Variants in MAML2 observed in about 807,000 individuals in gnomAD.
MAML2 encodes the protein mastermind like transcriptional coactivator 2, also known as mastermind-like protein 2.
A neutral mutation model predicts 96.1 loss-of-function variants in MAML2; 22 were observed. The observed-to-expected ratio is 0.23, with a 90% CI of 0.16 to 0.33. The LOEUF is 0.33. MAML2 is among the 10% of genes least tolerant of loss of function. MAML2 has a pLI of 1.00. For synonymous variants in MAML2, 561 were observed against 521.3 expected, an observed-to-expected ratio of 1.08 and a Z score of -1.04; for missense variants, 1,367 against 1,392.4, an observed-to-expected ratio of 0.98 and a Z score of 0.29.
At chr11:95,991,254 C>T (rs1857905345) in intron 3 of MAML2, among the ~76,000 whole-genome samples, 1 of 152,114 alleles carries the variant, frequency 6.6e-6, no homozygotes, top group Admixed American at 6.6e-5. Context: ...TTCAAATGCC[C>T]ATGTTGGTTG....
intron 1 of MAML2, among the ~76,000 whole-genome samples, chr11:96,154,940 C>G (rs572894498): frequency 2.6e-5 from 4 of 152,122 alleles, no homozygotes; most frequent in Non-Finnish European, 5.9e-5. Flanking sequence ...TGTAACACTC[C>G]GGCCTCTTGG....
chr11:96,318,202 G>A (rs1271811600), intron 1 of MAML2, among the ~76,000 whole-genome samples: 1 of 152,068 alleles, frequency 6.6e-6, no homozygotes, highest in Non-Finnish European at 1.5e-5. Flanking sequence ...AATGCTTTAG[G>A]TCATTTGTTG....
intron 2 of MAML2, among the ~76,000 whole-genome samples, chr11:96,057,272 C>T (rs1020050561): frequency 6.6e-6 from 1 of 152,292 alleles, no homozygotes; most frequent in South Asian, 2.1e-4. Context: ...GAAGCCATTT[C>T]GTTCCTGATT....
intron 1 of MAML2, among the ~76,000 whole-genome samples, chr11:96,109,879 G>T (rs1179348912): frequency 1.3e-5 from 2 of 152,166 alleles, no homozygotes; most frequent in East Asian, 3.9e-4. Context: ...CATAAGCATT[G>T]GTTGAAGGAA....
At chr11:96,203,149 G>A (rs540729167) in intron 1 of MAML2, among the ~76,000 whole-genome samples, 2 of 152,188 alleles carry the variant, frequency 1.3e-5, no homozygotes, top group South Asian at 2.1e-4. Flanking sequence ...AATACCTATT[G>A]AATACCTTAT....
chr11:96,119,812 T>TTTCA (rs1860304327), intron 1 of MAML2, among the ~76,000 whole-genome samples: 1 of 152,226 alleles, frequency 6.6e-6, no homozygotes, highest in South Asian at 2.1e-4. Flanking sequence ...TTTGTAATAA[T>TTTCA]TTTATTTATT....
intron 1 of MAML2, among the ~76,000 whole-genome samples, chr11:96,197,489 C>T (rs1861748923): frequency 1.3e-5 from 2 of 152,138 alleles, no homozygotes; most frequent in South Asian, 4.1e-4. Context: ...CCTGCCACTC[C>T]AGAAAAAATA....
At chr11:96,165,595 C>T (rs866629144) in intron 1 of MAML2, among the ~76,000 whole-genome samples, 5 of 151,928 alleles carry the variant, frequency 3.3e-5, no homozygotes, top group African/African-American at 1.2e-4. Flanking sequence ...CATAAAAATC[C>T]AATTCGTTGT....
chr11:95,978,884 C>T lies in MAML2; in HGVS notation c.*64G>A, dbSNP rs1857688174. ...CTGAACATCAACAGTTCAGCCTCTA[C>T]AGAGTTTCTGTAATATACTGCCTTT... On this transcript the variant is annotated 3_prime_UTR_variant, in exon 5 of 5. Transcript: ENST00000524717. The T allele has an allele frequency of 7.0e-7, 1 of 1,422,246 alleles. No individual in the cohort carries two copies. The highest frequency in any genetic ancestry group is 9.4e-7 in the Non-Finnish European group (1 of 1,062,198). 88.1% of individuals were successfully genotyped at this position (1,422,246 alleles called of 1,614,324 possible).
chr11:96,255,722 C>A (rs1171513857), intron 1 of MAML2, among the ~76,000 whole-genome samples: 2 of 152,132 alleles, frequency 1.3e-5, no homozygotes, highest in Non-Finnish European at 2.9e-5. Context: ...GAGGGAATGA[C>A]AAAGCCACAG....
chr11:96,061,621 G>A (rs1859161072), intron 2 of MAML2, among the ~76,000 whole-genome samples: 1 of 152,038 alleles, frequency 6.6e-6, no homozygotes, highest in African/African-American at 2.4e-5. Flanking sequence ...CATGAATAAA[G>A]AGCAGAAGAT....
At chr11:96,016,089 T>C (rs1858348066) in intron 2 of MAML2, among the ~76,000 whole-genome samples, 1 of 152,224 alleles carries the variant, frequency 6.6e-6, no homozygotes, top group African/African-American at 2.4e-5. Flanking sequence ...ATTTAAACTT[T>C]ATTTAAACTT....
chr11:95,994,643 G>A (rs530928676), intron 2 of MAML2, among the ~76,000 whole-genome samples: 1 of 152,158 alleles, frequency 6.6e-6, no homozygotes, highest in Admixed American at 6.5e-5. Context: ...CAAGGTGGGA[G>A]AGAATGTATT....
Position 96,269,654 on chromosome 11 carries a change from G to T in MAML2, c.513+71729C>A, listed in dbSNP as rs185859711. Among the ~76,000 whole-genome samples, 12 of 143,866 alleles carry T rather than the reference G, an allele frequency of 8.3e-5. No homozygotes were observed. The East Asian group carries it at 2.2e-3, about 27-fold the overall frequency. 94.4% of individuals were successfully genotyped at this position (143,866 alleles called of 152,430 possible). A position where few individuals can be genotyped will look rare whatever the true frequency, so the allele number is the denominator to read the frequency against. ...GCCTCCTGAGTAGCTGGGATTACAG[G>T]TCCATGCCACTATACTCAGCTAAGT... On this transcript the variant is annotated intron_variant, in intron 1 of 4. Coordinates refer to ENST00000524717, the MANE Select transcript of MAML2 (RefSeq NM_032427.4).
rs112673256 is a variant in MAML2 at position 96,248,818 on chromosome 11, T to A, written c.513+92565A>T. On this transcript the variant is annotated intron_variant, in intron 1 of 4. Transcript: ENST00000524717. The stretch of plus-strand genomic sequence containing the variant: ...TTCATTTCTTATGGATCTACTCCAA[T>A]CTCCACCACTCCTACAAAATGGCTC... Among the ~76,000 whole-genome samples, 9 of 152,338 alleles carry A rather than the reference T, an allele frequency of 5.9e-5. No homozygotes were observed. In the East Asian group the frequency reaches 1.2e-3, roughly 20 times the overall value.
intron 2 of MAML2, among the ~76,000 whole-genome samples, chr11:96,073,100 CTT>C (rs1859372827): frequency 1.3e-5 from 2 of 152,084 alleles, no homozygotes; most frequent in South Asian, 4.1e-4. Flanking sequence ...CACAATGAAA[CTT>C]GGGCTGTAGC....
chr11:96,218,885 T>C (rs967323423), intron 1 of MAML2, among the ~76,000 whole-genome samples: 6 of 152,266 alleles, frequency 3.9e-5, no homozygotes, highest in African/African-American at 1.4e-4. Context: ...GAAATTCAAA[T>C]TTAACTGAGC....
intron 1 of MAML2, among the ~76,000 whole-genome samples, chr11:96,163,987 T>A (rs1861153939): frequency 6.6e-6 from 1 of 151,690 alleles, no homozygotes; most frequent in African/African-American, 2.4e-5. Flanking sequence ...CTCAGCCTCC[T>A]GAGTAGCTGG....
intron 2 of MAML2, among the ~76,000 whole-genome samples, chr11:96,028,270 A>G (rs778549043): frequency 4.1e-4 from 63 of 152,324 alleles, no homozygotes; most frequent in Middle Eastern, 3.4e-3. Context: ...GCACCATTGC[A>G]TGTGCTGTTC....
Sources: allele counts gnomAD v4.1 joint callset (sites outside exome capture counted in the v4.1 genomes callset), GRCh38; gene constraint gnomAD v4.1.1; transcripts MANE v1.5; gene names NCBI Gene and HGNC (gene_info 2026-07-23, HGNC 2026-07-21).